The following PTPRN2 variants were observed in gnomAD, a reference collection of about 807,000 sequenced individuals.
PTPRN2 encodes protein tyrosine phosphatase receptor type N2.
In PTPRN2, 74 loss-of-function variants were observed where a neutral mutation model predicts 118.8. That is an observed-to-expected ratio of 0.62 (90% confidence interval 0.52 to 0.76). The LOEUF (loss-of-function observed/expected upper bound fraction) is 0.76. PTPRN2 is among the 30% of genes least tolerant of loss of function. The probability of loss-of-function intolerance (pLI) is 0.00; values close to 1 mark genes in which losing one functional copy is unlikely to be tolerated. For synonymous variants in PTPRN2, 641 were observed against 608.0 expected (o/e 1.05, Z -0.80); for missense variants, 1,481 against 1,394.4 (o/e 1.06, Z -0.99).
chr7:158,142,046 G>A (rs572174977), intron 6 of PTPRN2, among the ~76,000 whole-genome samples: 6 of 152,278 alleles, frequency 3.9e-5, no homozygotes, highest in Middle Eastern at 3.4e-3. Context: ...CTTTACCTTC[G>A]GGTTGAAGTG....
intron 12 of PTPRN2, among the ~76,000 whole-genome samples, chr7:157,810,011 C>T (rs540192972): frequency 2.4e-4 from 37 of 152,258 alleles, no homozygotes; most frequent in African/African-American, 2.2e-4. Flanking sequence ...ACCGCCAGGC[C>T]GGAGCTGGAA....
At chr7:157,849,255 C>T (rs907177469) in intron 12 of PTPRN2, among the ~76,000 whole-genome samples, 4 of 152,218 alleles carry the variant, frequency 2.6e-5, no homozygotes, top group Admixed American at 6.5e-5. Context: ...TTCGCGGTGC[C>T]TTTCTCCCCC....
intron 3 of PTPRN2, among the ~76,000 whole-genome samples, chr7:158,316,112 G>C (rs916929715): frequency 1.3e-5 from 2 of 152,196 alleles, no homozygotes; most frequent in Admixed American, 1.3e-4. Context: ...CCGCCGGGGG[G>C]CAGGTGGTTC....
intron 2 of PTPRN2, among the ~76,000 whole-genome samples, chr7:158,462,069 T>TCCTCCCGCGTGCC (rs57607417): frequency 1.0e-5 from 1 of 96,668 alleles, no homozygotes; most frequent in African/African-American, 3.5e-5. Context: ...CCCCTGTGCT[T>TCCTCCCGCGTGCC]CCGCCCACGC....
Position 157,621,371 on chromosome 7 carries a change from C to G in PTPRN2, c.2335G>C (p.Val779Leu), listed in dbSNP as rs756057151. 52 of 1,611,936 alleles carry G rather than the reference C, an allele frequency of 3.2e-5. No individual in the cohort carries two copies. Among genetic ancestry groups the G allele is most frequent in the Non-Finnish European group, 4.3e-5 (51 of 1,178,446 alleles). ...ENVPKNRSLA[V>L]LTYDHSRVLL... is the part of the protein sequence containing the mutation. ...CGGGGCTGGTACGTACAGGTCAGCACGGCCAGGGAGCGGTTCTTGGGCACG... is the reference window on the plus strand; with the variant it reads ...CGGGGCTGGTACGTACAGGTCAGCAGGGCCAGGGAGCGGTTCTTGGGCACG... Residue 779 changes from valine (V) to leucine (L), a missense_variant, in exon 15 of 23, where the codon GTG (valine) becomes CTG (leucine). This residue lies in a region of PTPRN2 where 362 missense variants were observed against 384.1 expected (regional missense o/e 0.94). Coordinates refer to ENST00000389418, the MANE Select transcript of PTPRN2 (RefSeq NM_002847.5).
intron 12 of PTPRN2, among the ~76,000 whole-genome samples, chr7:157,781,714 G>A (rs368067133): frequency 4.6e-5 from 7 of 152,162 alleles, no homozygotes; most frequent in African/African-American, 1.7e-4. Flanking sequence ...CAGTCAAATC[G>A]TTATTTCTGC....
chr7:157,982,953 G>A (rs549581049), intron 11 of PTPRN2, among the ~76,000 whole-genome samples: 4 of 105,906 alleles, frequency 3.8e-5, no homozygotes, highest in African/African-American at 1.6e-4. Context: ...TCACAGAGAC[G>A]AGGAGGGGAA....
chr7:158,481,973 C>T (rs764882123), intron 2 of PTPRN2, among the ~76,000 whole-genome samples: 15 of 152,186 alleles, frequency 9.9e-5, no homozygotes, highest in Non-Finnish European at 7.3e-5. Flanking sequence ...TCATGCATGA[C>T]TTTCAGGGAT....
At chr7:157,557,165 A>G (rs904634219) in intron 21 of PTPRN2, among the ~76,000 whole-genome samples, 8 of 151,076 alleles carry the variant, frequency 5.3e-5, no homozygotes, top group Non-Finnish European at 8.9e-5. Flanking sequence ...GCATGCACAC[A>G]TATATACACA....
chr7:158,554,894 G>A (rs1826875854), intron 1 of PTPRN2, among the ~76,000 whole-genome samples: 1 of 152,158 alleles, frequency 6.6e-6, no homozygotes, highest in African/African-American at 2.4e-5. Context: ...GCTCCTGCCA[G>A]CAGCACAGAC....
intron 10 of PTPRN2, among the ~76,000 whole-genome samples, chr7:158,103,629 T>G (rs1815426449): frequency 6.6e-6 from 1 of 152,204 alleles, no homozygotes; most frequent in African/African-American, 2.4e-5. Context: ...CCGATTTGTT[T>G]GTCTCATGAG....
intron 12 of PTPRN2, among the ~76,000 whole-genome samples, chr7:157,879,073 ATGGGGCTGGAAGGG>A (rs1795964969): frequency 9.7e-5 from 12 of 123,210 alleles, no homozygotes; most frequent in Admixed American, 3.5e-4. Flanking sequence ...CTCAGATTCC[ATGGGGCTGGAAGGG>A]TCAGTGTGAT....
At chr7:158,215,150 A>C (rs542231641) in intron 3 of PTPRN2, among the ~76,000 whole-genome samples, 2 of 152,222 alleles carry the variant, frequency 1.3e-5, no homozygotes, top group Admixed American at 6.5e-5. Context: ...AAAAAGTAGG[A>C]TGTCTCAGAA....
intron 1 of PTPRN2, among the ~76,000 whole-genome samples, chr7:158,556,970 C>G (rs1284481509): frequency 6.8e-6 from 1 of 147,364 alleles, no homozygotes; most frequent in Admixed American, 6.7e-5. Context: ...CAGGTGGCTC[C>G]CGCACAGGTC....
Position 158,093,680 on chromosome 7 carries a change from T to TG in PTPRN2, c.1644-12304dup. Among the ~76,000 whole-genome samples, 1 of 152,240 alleles carries TG rather than the reference T, an allele frequency of 6.6e-6. No homozygotes were observed. The highest frequency in any genetic ancestry group is 1.5e-5 in the Non-Finnish European group (1 of 68,048). ...GAACATAAAACTCCGGAATTCCACG[T>TG]GGATAGCATAATGCATACCTACTTT... is the stretch of plus-strand genomic sequence containing the variant. On this transcript the variant is annotated intron_variant, in intron 10 of 22. Transcript: ENST00000389418. This position sits in a 1 kb window ranked among gnomAD's most constrained non-coding sequence, Gnocchi z 4.4.
At chr7:158,340,582 C>T (rs1263117119) in intron 2 of PTPRN2, among the ~76,000 whole-genome samples, 40 of 102,822 alleles carry the variant, frequency 3.9e-4, no homozygotes, top group African/African-American at 1.1e-3. Flanking sequence ...CCATAAGAGC[C>T]GACGCCCGCA....
At chr7:158,288,212 A>C (rs1290913760) in intron 3 of PTPRN2, among the ~76,000 whole-genome samples, 2 of 152,120 alleles carry the variant, frequency 1.3e-5, no homozygotes, top group Non-Finnish European at 2.9e-5. Flanking sequence ...TGTAGGTAGC[A>C]TATAGTTGGG....
rs1441076308 is a variant in PTPRN2 at position 158,085,791 on chromosome 7, C to T, written c.1644-4414G>A. Among the ~76,000 whole-genome samples, 23 of 145,182 alleles carry T rather than the reference C, an allele frequency of 1.6e-4. No homozygotes were observed. The South Asian group carries it at 2.7e-3, about 17-fold the overall frequency. ...CCATGACGCCCATCCACACCCACGACGCCCATCCACACATGCCCATCCACA... is the reference window on the plus strand; with the variant it reads ...CCATGACGCCCATCCACACCCACGATGCCCATCCACACATGCCCATCCACA... On this transcript the variant is annotated intron_variant, in intron 10 of 22. Transcript: ENST00000389418.
At chr7:157,675,184 C>T (rs74545936) in intron 13 of PTPRN2, among the ~76,000 whole-genome samples, 7,258 of 152,236 alleles carry the variant, frequency 0.048, 281 homozygotes, top group East Asian at 0.13. Flanking sequence ...TATTTCACAG[C>T]GGCTCGCGTC....
Sources: allele counts gnomAD v4.1 joint callset (sites outside exome capture counted in the v4.1 genomes callset), GRCh38; gene constraint gnomAD v4.1.1; regional missense constraint gnomAD v4.1.1; non-coding constraint Gnocchi (gnomAD v3.1); transcripts MANE v1.5; gene names NCBI Gene and HGNC (gene_info 2026-07-23, HGNC 2026-07-21).